CTBP2: variants seen among roughly 807,000 people sequenced by gnomAD.
CTBP2 encodes the protein C-terminal binding protein 2, also known as C-terminal-binding protein 2.
CTBP2 carries 30 observed loss-of-function variants against 80.3 expected under a neutral mutation model. The ratio of observed to expected loss-of-function variants is 0.37; its 90% CI spans 0.28 to 0.51. The LOEUF (loss-of-function observed/expected upper bound fraction) is 0.51. Among genes scored for constraint, CTBP2 ranks in the 20% least tolerant of loss-of-function variants. CTBP2 has a pLI of 0.93. For synonymous variants in CTBP2, 594 were observed against 587.4 expected (o/e 1.01, Z -0.16); for missense variants, 1,212 against 1,375.3 (o/e 0.88, Z 1.88).
At position 125,110,605 on chromosome 10, in the gene CTBP2, CG is replaced by C. The variant is rs538264912; in HGVS notation, c.-102+384del. 3.4e-3 allele frequency among the ~76,000 whole-genome samples: 524 copies of C among 152,326 alleles called. 1 individual carries two copies. The highest frequency in any genetic ancestry group is 0.012 in the African/African-American group (493 of 41,562). ...ATCCATCTATCACTTATGACTGACT[CG>C]GGGTGTCATGAGATGGTTTCTCTAA... On this transcript the variant is annotated intron_variant, in intron 2 of 10. Transcript: ENST00000337195.
intron 1 of CTBP2, among the ~76,000 whole-genome samples, chr10:125,126,128 G>C (rs955602506): frequency 1.3e-5 from 2 of 152,114 alleles, no homozygotes; most frequent in Admixed American, 1.3e-4. Context: ...GCCTGGGAGA[G>C]GCCCGCTGGA....
chr10:125,155,672 C>T (rs544102623), intron 1 of CTBP2, among the ~76,000 whole-genome samples: 1 of 149,276 alleles, frequency 6.7e-6, no homozygotes, highest in Admixed American at 6.7e-5. Context: ...TTTCCAAACC[C>T]CAAGATAGGA....
rs1004238045 is a variant in CTBP2 at position 125,027,829 on chromosome 10, A to G, written c.-70T>C. The stretch of plus-strand genomic sequence containing the variant: ...TTATAAATCTTCAATTACATACATC[A>G]AAAACAGACCTGGCTGTGTGCTAAC... On this transcript the variant is annotated 5_prime_UTR_variant, in exon 1 of 9. Transcript: ENST00000309035. The G allele has an allele frequency of 6.2e-6, 9 of 1,448,022 alleles. No homozygotes were observed. The Admixed American group carries it at 2.3e-4, about 38-fold the overall frequency. The allele number at this position is 1,448,022 out of a possible 1,614,324, so 89.7% of individuals were successfully genotyped here.
chr10:125,158,544 T>G (rs548851410), intron 1 of CTBP2: 1 of 152,290 alleles, frequency 6.6e-6, no homozygotes, highest in African/African-American at 2.4e-5. Context: ...TGTCTATCCT[T>G]CCAGCCACTC....
At chr10:125,082,864 T>C (rs1022080008) in intron 2 of CTBP2, among the ~76,000 whole-genome samples, 8 of 152,202 alleles carry the variant, frequency 5.3e-5, no homozygotes, top group East Asian at 1.9e-4. Flanking sequence ...GCTGGGATTA[T>C]AGGCGTGAGC....
In CTBP2 at chr10:124,990,633, C is replaced by G. The variant is rs1292844667; in HGVS notation, c.2778-935G>C. Among the ~76,000 whole-genome samples the G allele has an allele frequency of 3.3e-5, 5 of 152,196 alleles. No individual in the cohort carries two copies. In the East Asian group the frequency reaches 9.6e-4, roughly 29 times the overall value. On this transcript the variant is annotated intron_variant, in intron 8 of 8. Transcript: ENST00000309035. ...TGATTTCCCAACAGAGTACAATGGACCCTTAGGGACTCAATGTTTGTCTCC... is the reference window on the plus strand; with the variant it reads ...TGATTTCCCAACAGAGTACAATGGAGCCTTAGGGACTCAATGTTTGTCTCC...
chr10:125,093,727 C>T (rs1427794214), intron 2 of CTBP2, among the ~76,000 whole-genome samples: 3 of 152,146 alleles, frequency 2.0e-5, no homozygotes, highest in African/African-American at 2.4e-5. Context: ...ATCTACTCCT[C>T]GGAATGGTAA....
Position 125,076,455 on chromosome 10 carries a change from GTTC to G in CTBP2, c.-102+34532_-102+34534del, listed in dbSNP as rs1564861023. ...GTCCAGAAGATCTCCTCTAGGTTCA[GTTC>G]TGTCCAGGAACACTGTCACCACTCA... On this transcript the variant is annotated intron_variant, in intron 2 of 10. Coordinates refer to the CTBP2 transcript ENST00000337195. Among the ~76,000 whole-genome samples, 6 of 152,184 alleles carry G rather than the reference GTTC, an allele frequency of 3.9e-5. No individual in the cohort carries two copies. The East Asian group carries it at 9.6e-4, about 24-fold the overall frequency.
intron 2 of CTBP2, among the ~76,000 whole-genome samples, chr10:125,069,179 T>C (rs1327301476): frequency 6.6e-6 from 1 of 152,196 alleles, no homozygotes; most frequent in African/African-American, 2.4e-5. Flanking sequence ...AATAGCTGCC[T>C]GCCAGCCAGC....
At chr10:125,102,612 G>T (rs1850805607) in intron 2 of CTBP2, among the ~76,000 whole-genome samples, 1 of 152,240 alleles carries the variant, frequency 6.6e-6, no homozygotes, top group African/African-American at 2.4e-5. Context: ...ATCTTCTGCT[G>T]TAATGAGGGA....
At chr10:125,062,916 G>A (rs1284965698) in intron 2 of CTBP2, among the ~76,000 whole-genome samples, 1 of 152,220 alleles carries the variant, frequency 6.6e-6, no homozygotes, top group East Asian at 1.9e-4. Flanking sequence ...AACAACATCT[G>A]CTGTGCACCC....
chr10:125,048,520 C>T lies in CTBP2; in HGVS notation c.-101-9365G>A, dbSNP rs867455400. 2.0e-4 allele frequency among the ~76,000 whole-genome samples: 31 copies of T among 152,310 alleles called. 1 individual carries two copies. The highest frequency in any genetic ancestry group is 1.0e-3 in the South Asian group (5 of 4,830). The stretch of plus-strand genomic sequence containing the variant: ...TGCCAGGGGAAAGGGGATGCAGCGC[C>T]AGCGCCTACTTGTTTATCTCCCGAG... On this transcript the variant is annotated intron_variant, in intron 2 of 10. Transcript: ENST00000337195.
intron 2 of CTBP2, among the ~76,000 whole-genome samples, chr10:125,044,276 C>G (rs1459581203): frequency 6.6e-6 from 1 of 152,208 alleles, no homozygotes; most frequent in East Asian, 1.9e-4. Flanking sequence ...GAGGAGACAG[C>G]AACAGTCCAG....
At chr10:125,161,714 GAA>G (rs746000424), upstream of CTBP2, among the ~76,000 whole-genome samples, 5 of 138,190 alleles carry the variant, frequency 3.6e-5, no homozygotes, top group Non-Finnish European at 1.6e-5. Flanking sequence ...CTTACACATT[GAA>G]AAAAAAAAAA....
intron 2 of CTBP2, among the ~76,000 whole-genome samples, chr10:125,080,703 G>T (rs556596976): frequency 1.3e-5 from 2 of 152,308 alleles, no homozygotes; most frequent in Admixed American, 1.3e-4. Context: ...TTGAATGAGG[G>T]AACCTTAGCC....
At chr10:125,043,426 TTTTC>T (rs1960400146) in intron 2 of CTBP2, among the ~76,000 whole-genome samples, 2 of 152,156 alleles carry the variant, frequency 1.3e-5, no homozygotes, top group Non-Finnish European at 2.9e-5. Flanking sequence ...TCTCGATTTC[TTTTC>T]TTTTTCTATT....
At chr10:125,145,392 C>A (rs1379803612) in intron 1 of CTBP2, among the ~76,000 whole-genome samples, 4 of 152,136 alleles carry the variant, frequency 2.6e-5, no homozygotes, top group Non-Finnish European at 5.9e-5. Flanking sequence ...CACCCCCAAC[C>A]CCAGGTACCA....
At position 125,028,010 on chromosome 10, in the gene CTBP2, C is replaced by T. The variant is rs909042488; in HGVS notation, c.-251G>A. 6.4e-6 allele frequency: 7 copies of T among 1,096,850 alleles called. No individual in the cohort carries two copies. Among genetic ancestry groups the T allele is most frequent in the African/African-American group, 3.2e-5 (2 of 62,998 alleles). The allele number at this position is 1,096,850 out of a possible 1,614,324, so 67.9% of individuals were successfully genotyped here. On this transcript the variant is annotated 5_prime_UTR_variant, in exon 1 of 9. Coordinates refer to ENST00000309035, the MANE Select transcript of CTBP2 (RefSeq NM_022802.3). ...AGCCAGAGAGGTCTGTTCCTTACAG[C>T]TCAGTCCCGGAGAGGAGGCTGTCCC...
intron 2 of CTBP2, among the ~76,000 whole-genome samples, chr10:125,101,100 T>C (rs1590780419): frequency 6.6e-6 from 1 of 152,358 alleles, no homozygotes; most frequent in East Asian, 1.9e-4. Flanking sequence ...CCAGCCATTA[T>C]TCAGTGTGAA....
Sources: allele counts gnomAD v4.1 joint callset (sites outside exome capture counted in the v4.1 genomes callset), GRCh38; gene constraint gnomAD v4.1.1; transcripts MANE v1.5; gene names NCBI Gene and HGNC (gene_info 2026-07-23, HGNC 2026-07-21).